The following SMARCAD1 variants were observed in gnomAD, a reference collection of about 807,000 sequenced individuals.
SMARCAD1 encodes SNF2 related chromatin remodeling ATPase with DExD box 1, also known as SWI/SNF-related matrix-associated actin-dependent regulator of chromatin subfamily A containing DEAD/H box 1.
In SMARCAD1, 25 loss-of-function variants were observed where a neutral mutation model predicts 127.1. The ratio of observed to expected loss-of-function variants is 0.20; its 90% CI spans 0.14 to 0.27. The LOEUF (loss-of-function observed/expected upper bound fraction) is 0.27, where lower values mean the gene tolerates loss of function less well. SMARCAD1 is among the 10% of genes least tolerant of loss of function. The pLI, the probability that SMARCAD1 is intolerant of heterozygous loss-of-function variation, is 1.00. For synonymous variants in SMARCAD1, 400 were observed against 396.9 expected (o/e 1.01, Z -0.09); for missense variants, 807 against 1,206.0 (o/e 0.67, Z 4.90).
intron 6 of SMARCAD1, among the ~76,000 whole-genome samples, chr4:94,242,646 A>G (rs1438648297): frequency 2.6e-5 from 4 of 151,882 alleles, no homozygotes; most frequent in Admixed American, 6.6e-5. Flanking sequence ...GCTTATGCCT[A>G]TAATCCCAGC....
chr4:94,229,912 C>T (rs892386249), intron 3 of SMARCAD1, among the ~76,000 whole-genome samples: 1 of 151,476 alleles, frequency 6.6e-6, no homozygotes, highest in Non-Finnish European at 1.5e-5. Context: ...AGAACCCTGA[C>T]TTCTACCAGT....
intron 4 of SMARCAD1, among the ~76,000 whole-genome samples, chr4:94,235,229 C>CTTTTT (rs35123705): frequency 5.1e-5 from 2 of 39,302 alleles, no homozygotes; most frequent in Admixed American, 4.2e-4. Context: ...ACCACCAATC[C>CTTTTT]TTTTTTTTTT....
chr4:94,279,179 G>A, intron 19 of SMARCAD1, 129 bp downstream of exon 19: 2 of 1,192,898 alleles, frequency 1.7e-6, no homozygotes, highest in Non-Finnish European at 2.4e-6. Flanking sequence ...TTTTTTTTCA[G>A]ACCAGGTCTG....
chr4:94,244,085 A>G (rs989380454), intron 6 of SMARCAD1, among the ~76,000 whole-genome samples: 1 of 152,258 alleles, frequency 6.6e-6, no homozygotes, highest in Non-Finnish European at 1.5e-5. Flanking sequence ...TGGAAAGTCC[A>G]TAAGAACAAG....
intron 3 of SMARCAD1, among the ~76,000 whole-genome samples, chr4:94,227,127 G>A (rs192370424): frequency 3.9e-5 from 6 of 152,276 alleles, no homozygotes; most frequent in Non-Finnish European, 7.4e-5. Context: ...GAACCATGTA[G>A]ATGTGGGGGA....
rs70946518 is a variant in SMARCAD1 at position 94,282,100 on chromosome 4, G to GTTTTTTTTTTT, written c.2726+517_2726+527dup. 6.7e-5 allele frequency among the ~76,000 whole-genome samples: 5 copies of GTTTTTTTTTTT among 74,960 alleles called. 1 individual carries two copies. Among genetic ancestry groups the GTTTTTTTTTTT allele is most frequent in the Non-Finnish European group, 9.1e-5 (4 of 44,148 alleles). The allele number at this position is 74,960 out of a possible 152,430, so 49.2% of individuals were successfully genotyped here. On this transcript the variant is annotated intron_variant, in intron 21 of 23. Transcript: ENST00000354268. The stretch of plus-strand genomic sequence containing the variant: ...GAATTACATGCAAATACGTTTTTTT[G>GTTTTTTTTTTT]TTTTTTTTTTTTTTTTTGAGACGGA...
intron 21 of SMARCAD1, among the ~76,000 whole-genome samples, chr4:94,282,097 T>TTTTG (rs1432993279): frequency 6.2e-5 from 1 of 16,064 alleles, no homozygotes; most frequent in African/African-American, 1.3e-4. Context: ...AATACGTTTT[T>TTTTG]TTGTTTTTTT....
chr4:94,261,031 A>G (rs1750894922), intron 9 of SMARCAD1, among the ~76,000 whole-genome samples: 1 of 152,192 alleles, frequency 6.6e-6, no homozygotes, highest in Non-Finnish European at 1.5e-5. Flanking sequence ...TCAGTGGCAG[A>G]AAATATGATA....
chr4:94,263,277 A>G (rs950959382), intron 9 of SMARCAD1, among the ~76,000 whole-genome samples: 1 of 152,142 alleles, frequency 6.6e-6, no homozygotes, highest in Non-Finnish European at 1.5e-5. Context: ...TTTATGGCCT[A>G]TAATTTTTGG....
chr4:94,243,416 C>T (rs1387198236), intron 6 of SMARCAD1, among the ~76,000 whole-genome samples: 2 of 152,126 alleles, frequency 1.3e-5, no homozygotes, highest in Non-Finnish European at 2.9e-5. Flanking sequence ...TGATGGGTTG[C>T]TGCTGCCAAT....
chr4:94,274,453 A>G (rs1437953210), intron 12 of SMARCAD1, among the ~76,000 whole-genome samples: 1 of 152,062 alleles, frequency 6.6e-6, no homozygotes, highest in African/African-American at 2.4e-5. Flanking sequence ...AGTAGCTGGG[A>G]CTACAGGCGC....
At chr4:94,222,244 A>G (rs1744259308) in intron 2 of SMARCAD1, among the ~76,000 whole-genome samples, 1 of 152,328 alleles carries the variant, frequency 6.6e-6, no homozygotes. Flanking sequence ...CATGTTTTTC[A>G]TTACTTCAAT....
chr4:94,257,623 T>G (rs1750302003), intron 9 of SMARCAD1, among the ~76,000 whole-genome samples: 1 of 152,190 alleles, frequency 6.6e-6, no homozygotes, highest in Non-Finnish European at 1.5e-5. Context: ...ATGTTTATAC[T>G]TTTATTATTT....
Position 94,289,456 on chromosome 4 carries a change from T to C in SMARCAD1, c.3020-17T>C. 6.2e-7 allele frequency: 1 copy of C among 1,605,628 alleles called. No individual in the cohort carries two copies. Among genetic ancestry groups the C allele is most frequent in the Non-Finnish European group, 8.5e-7 (1 of 1,173,058 alleles). On this transcript the variant is annotated splice_polypyrimidine_tract_variant and intron_variant, in intron 23 of 23. Coordinates refer to ENST00000354268, the MANE Select transcript of SMARCAD1 (RefSeq NM_020159.5). ...AATATTTTTATAAAGCTTTTAATGC[T>C]ACTTTCTGACCTACAGGTGATGAAG...
At chr4:94,279,955 C>G (rs569960329) in intron 19 of SMARCAD1, among the ~76,000 whole-genome samples, 40 of 152,182 alleles carry the variant, frequency 2.6e-4, no homozygotes, top group African/African-American at 9.1e-4. Context: ...CCCTCCGCCT[C>G]CCAGGTTCAA....
At chr4:94,282,700 TG>T (rs949419783) in intron 21 of SMARCAD1, among the ~76,000 whole-genome samples, 10 of 151,636 alleles carry the variant, frequency 6.6e-5, no homozygotes, top group African/African-American at 2.2e-4. Context: ...GTAAAAGTAA[TG>T]TTTTTTTTTT....
Position 94,283,152 on chromosome 4 carries a change from A to T in SMARCAD1, c.2758A>T (p.Met920Leu). ...TCTAATTGATGAGTTTAATACCGAT[A>T]TGGATATCTTTGTGTTTCTGCTATC... is the stretch of plus-strand genomic sequence containing the variant. ...IHLIDEFNTD[M>L]DIFVFLLSTK... Residue 920 changes from methionine (M) to leucine (L), a missense_variant, in exon 22 of 24, where the codon ATG becomes TTG. By Grantham distance (15) the Met-to-Leu change is conservative. This residue lies in a region of SMARCAD1 where 44 missense variants were observed against 119.1 expected (regional missense o/e 0.37). Transcript: ENST00000354268. 6.2e-7 allele frequency: 1 copy of T among 1,613,630 alleles called. No individual in the cohort carries two copies. The highest frequency in any genetic ancestry group is 8.5e-7 in the Non-Finnish European group (1 of 1,179,882).
At chr4:94,277,234 T>G (rs551007082) in intron 16 of SMARCAD1, 75 bp downstream of exon 16, 1 of 1,549,032 alleles carries the variant, frequency 6.5e-7, no homozygotes, top group African/African-American at 1.4e-5. Flanking sequence ...TTAGGTCTCT[T>G]TTGTTGTTTT....
At chr4:94,220,249 A>G (rs1264314864) in intron 2 of SMARCAD1, among the ~76,000 whole-genome samples, 1 of 151,962 alleles carries the variant, frequency 6.6e-6, no homozygotes, top group African/African-American at 2.4e-5. Flanking sequence ...GATTTTATTT[A>G]TTATTATTAT....
Sources: allele counts gnomAD v4.1 joint callset (sites outside exome capture counted in the v4.1 genomes callset), GRCh38; gene constraint gnomAD v4.1.1; regional missense constraint gnomAD v4.1.1; transcripts MANE v1.5; gene names NCBI Gene and HGNC (gene_info 2026-07-23, HGNC 2026-07-21).